DSG1: variants seen among roughly 807,000 people sequenced by gnomAD.
DSG1 encodes the protein desmoglein-1.
A neutral mutation model predicts 97.5 loss-of-function variants in DSG1; 39 were observed. The ratio of observed to expected loss-of-function variants is 0.40; its 90% confidence interval spans 0.31 to 0.52. DSG1 has a LOEUF of 0.52. DSG1 is among the 20% of genes least tolerant of loss of function. The pLI is 0.53. For missense variants in DSG1, 1,311 were observed against 1,295.4 expected, an observed-to-expected ratio of 1.01 and a Z score of -0.18; for synonymous variants, 475 against 443.4, an observed-to-expected ratio of 1.07 and a Z score of -0.90.
At chr18:31,327,090 A>C in intron 3 of DSG1, 85 bp downstream of exon 3, 5 of 1,519,088 alleles carry the variant, frequency 3.3e-6, no homozygotes, top group South Asian at 1.1e-5. Context: ...TTTCATGAAC[A>C]TGTCTCACCG....
intron 1 of DSG1, among the ~76,000 whole-genome samples, chr18:31,324,739 T>C (rs1055197628): frequency 6.6e-6 from 1 of 152,172 alleles, no homozygotes; most frequent in Non-Finnish European, 1.5e-5. Flanking sequence ...TGCTCCAGCG[T>C]ACCTCCTTCT....
intron 1 of DSG1, 47 bp from the exon 2 acceptor site, chr18:31,326,534 A>G: frequency 1.5e-6 from 2 of 1,364,954 alleles, no homozygotes; most frequent in South Asian, 1.2e-5. Context: ...TAAATTTTAA[A>G]GCATTTAATT....
intron 1 of DSG1, among the ~76,000 whole-genome samples, chr18:31,322,831 T>G (rs924137714): frequency 3.3e-5 from 5 of 152,204 alleles, no homozygotes; most frequent in African/African-American, 1.2e-4. Flanking sequence ...AAAAATAGCT[T>G]GTTACTCTCA....
chr18:31,331,018 G>A (rs1785807937), intron 5 of DSG1, among the ~76,000 whole-genome samples: 2 of 152,022 alleles, frequency 1.3e-5, no homozygotes, highest in Admixed American at 1.3e-4. Flanking sequence ...TTATGAATGA[G>A]CACTGGCAGT....
intron 3 of DSG1, 132 bp downstream of exon 3, chr18:31,327,137 G>A (rs1235786356): frequency 8.4e-7 from 1 of 1,186,174 alleles, no homozygotes; most frequent in Non-Finnish European, 1.2e-6. Context: ...TAGTCACCTA[G>A]ATGATGAAAA....
At chr18:31,335,948 T>C (rs2071749180) in intron 8 of DSG1, among the ~76,000 whole-genome samples, 1 of 151,750 alleles carries the variant, frequency 6.6e-6, no homozygotes, top group Non-Finnish European at 1.5e-5. Flanking sequence ...ACTCAAATGA[T>C]TGAAACTCTA....
At position 31,354,787 on chromosome 18, in the gene DSG1, T is replaced by C; in HGVS notation, c.2591T>C (p.Val864Ala). 4 of 1,614,144 alleles carry C rather than the reference T, an allele frequency of 2.5e-6. No individual in the cohort carries two copies. The highest frequency in any genetic ancestry group is 2.5e-6 in the Non-Finnish European group (3 of 1,180,016). ...HDNRPASNVVVTERVVGPISG... is the reference protein window; with the variant it reads ...HDNRPASNVVATERVVGPISG... ...AACCGACCAGCATCAAACGTGGTAGTGACAGAGAGAGTGGTCGGCCCAATC... is the reference window on the plus strand; with the variant it reads ...AACCGACCAGCATCAAACGTGGTAGCGACAGAGAGAGTGGTCGGCCCAATC... Residue 864 changes from valine (V) to alanine (A), a missense_variant, in exon 15 of 15, where the codon GTG becomes GCG. Transcript: ENST00000257192.
At chr18:31,352,739 C>G (rs1391167196) in intron 14 of DSG1, among the ~76,000 whole-genome samples, 2 of 149,604 alleles carry the variant, frequency 1.3e-5, no homozygotes, top group Admixed American at 6.6e-5. Flanking sequence ...ATTGCTGATA[C>G]CCTTTCTTCC....
Position 31,334,145 on chromosome 18 carries a change from T to C in DSG1, c.948T>C (p.Asn316=), listed in dbSNP as rs781610378. The C allele has an allele frequency of 7.5e-6, 12 of 1,610,170 alleles. No homozygotes were observed. The East Asian group carries it at 2.7e-4, about 36-fold the overall frequency. Residue 316 remains asparagine, a synonymous_variant, in exon 8 of 15, where the codon AAT becomes AAC. Coordinates refer to ENST00000257192, the MANE Select transcript of DSG1 (RefSeq NM_001942.4). ...TCTTTATCTCTGGAAATGAAGGAAA[T>C]TGGTTTGAGATAGAAATGAATGAAA... ...VIFFISGNEG[N]WFEIEMNERT...
chr18:31,321,489 AACTT>A (rs2071653547), intron 1 of DSG1, among the ~76,000 whole-genome samples: 1 of 152,180 alleles, frequency 6.6e-6, no homozygotes. Context: ...TATTCAGTGA[AACTT>A]ACAAATTGCA....
At chr18:31,321,966 G>A (rs1216523788) in intron 1 of DSG1, among the ~76,000 whole-genome samples, 1 of 152,174 alleles carries the variant, frequency 6.6e-6, no homozygotes, top group Non-Finnish European at 1.5e-5. Flanking sequence ...GAACACCCTT[G>A]CCCAGTGCTG....
In DSG1 at chr18:31,336,613, G is replaced by A. The variant is rs2071755950; in HGVS notation, c.1265G>A (p.Arg422Lys). Residue 422 changes from arginine (R) to lysine (K), a missense_variant and splice_region_variant, in exon 9 of 15, where the codon AGG becomes AAG. Coordinates refer to ENST00000257192, the MANE Select transcript of DSG1 (RefSeq NM_001942.4). ...ACAGGTAGACCTTCAACGACTGTTA[G>A]GTAAGAATGAGATTTTCAACTAATT... is the stretch of plus-strand genomic sequence containing the variant. ...LDTGRPSTTV[R>K]YVMGNNPADL... is the part of the protein sequence containing the mutation. The A allele has an allele frequency of 1.2e-6, 2 of 1,613,920 alleles. No homozygotes were observed. Among genetic ancestry groups the A allele is most frequent in the African/African-American group, 1.3e-5 (1 of 75,016 alleles).
chr18:31,346,024 G>A lies in DSG1; in HGVS notation c.1926G>A (p.Met642Ile). Residue 642 changes from methionine to isoleucine, a missense_variant, in exon 14 of 15, where the codon ATG (methionine) becomes ATA (isoleucine). This residue lies in a region of DSG1 where 1,038 missense variants were observed against 964.6 expected (regional missense o/e 1.08). Coordinates refer to ENST00000257192, the MANE Select transcript of DSG1 (RefSeq NM_001942.4). Reference sequence around the variant, plus strand: ...CAAATGAGTATGGTGGCAGAGAAATGCAAGATCTGGGAGGAGGAGAGAGAA... The same window carrying A: ...CAAATGAGTATGGTGGCAGAGAAATACAAGATCTGGGAGGAGGAGAGAGAA... Reference protein sequence around the residue: ...VYTNEYGGREMQDLGGGERMT... With the variant: ...VYTNEYGGREIQDLGGGERMT... 2.5e-6 allele frequency: 4 copies of A among 1,613,922 alleles called. No individual in the cohort carries two copies. The highest frequency in any genetic ancestry group is 3.4e-6 in the Non-Finnish European group (4 of 1,179,856).
intron 7 of DSG1, 118 bp downstream of exon 7, chr18:31,333,841 C>T: frequency 2.3e-6 from 3 of 1,319,472 alleles, no homozygotes; most frequent in Non-Finnish European, 3.3e-6. Flanking sequence ...CAAATGTAGA[C>T]ACATACTTTT....
chr18:31,319,748 G>C (rs2071641898), intron 1 of DSG1, among the ~76,000 whole-genome samples: 1 of 152,094 alleles, frequency 6.6e-6, no homozygotes, highest in Non-Finnish European at 1.5e-5. Flanking sequence ...TCTCTAAGAT[G>C]TGCCTTATTT....
At position 31,354,653 on chromosome 18, in the gene DSG1, T is replaced by C. The variant is rs550811085; in HGVS notation, c.2457T>C (p.Gly819=). 2 of 1,614,184 alleles carry C rather than the reference T, an allele frequency of 1.2e-6. No homozygotes were observed. Among genetic ancestry groups the C allele is most frequent in the Non-Finnish European group, 1.7e-6 (2 of 1,180,024 alleles). The change falls in exon 15 of 15, where the codon GGT becomes GGC. Residue 819 remains glycine, a synonymous_variant. Transcript: ENST00000257192. ...ISESTYPSGP[G]VLHPKPILDP... The stretch of plus-strand genomic sequence containing the variant: ...AGAGCACCTATCCCTCGGGACCTGG[T>C]GTACTGCATCCTAAGCCTATTCTCG...
At chr18:31,344,362 A>T (rs1439520066) in intron 13 of DSG1, among the ~76,000 whole-genome samples, 1 of 152,162 alleles carries the variant, frequency 6.6e-6, no homozygotes, top group Non-Finnish European at 1.5e-5. Flanking sequence ...TATATACACT[A>T]ATTAAAATTA....
chr18:31,338,066 A>G (rs2071765868), intron 9 of DSG1, among the ~76,000 whole-genome samples: 1 of 152,220 alleles, frequency 6.6e-6, no homozygotes, highest in Non-Finnish European at 1.5e-5. Flanking sequence ...CTGACATCCA[A>G]GTGGGCATAA....
intron 11 of DSG1, among the ~76,000 whole-genome samples, chr18:31,340,688 A>G (rs1246773575): frequency 6.6e-6 from 1 of 152,234 alleles, no homozygotes; most frequent in African/African-American, 2.4e-5. Context: ...TCTATGTGCA[A>G]AAACCTAAAA....
Sources: gnomAD v4.1 joint callset for allele counts (sites outside exome capture counted in the v4.1 genomes callset) on GRCh38, gnomAD v4.1.1 for gene constraint, gnomAD v4.1.1 regional missense constraint, MANE v1.5 for transcripts, NCBI Gene and HGNC (gene_info 2026-07-23, HGNC 2026-07-21) for gene names.